Variants in LIN7A observed in about 807,000 individuals in gnomAD.
LIN7A encodes protein lin-7 homolog A.
Under a neutral mutation model 29.8 loss-of-function variants are expected in LIN7A, and 25 were observed. The observed-to-expected ratio is 0.84, with a 90% CI of 0.61 to 1.17. The LOEUF is 1.17. LIN7A is among the 50% of genes most tolerant of loss of function. LIN7A has a pLI of 0.00. For missense variants in LIN7A, 239 were observed against 287.0 expected, an observed-to-expected ratio of 0.83 and a Z score of 1.21; for synonymous variants, 118 against 107.5, an observed-to-expected ratio of 1.10 and a Z score of -0.60.
chr12:80,912,989 T>C (rs75011874), intron 1 of LIN7A, among the ~76,000 whole-genome samples: 4,828 of 152,280 alleles, frequency 0.032, 141 homozygotes, highest in Non-Finnish European at 0.045. Context: ...GCAATTAAAA[T>C]GTCAAATGCA....
rs985623933 is a variant in LIN7A at position 80,841,406 on chromosome 12, A to G, written c.483+4324T>C. On this transcript the variant is annotated intron_variant, in intron 4 of 5. Transcript: ENST00000552864. ...AAGGAAGGAAGGAAGGAAGGAAGGAAGGAGGGAAAGAAAGTACGAACAGCA... is the reference window on the plus strand; with the variant it reads ...AAGGAAGGAAGGAAGGAAGGAAGGAGGGAGGGAAAGAAAGTACGAACAGCA... Among the ~76,000 whole-genome samples the G allele has an allele frequency of 1.3e-5, 2 of 148,318 alleles. 1 individual carries two copies. The highest frequency in any genetic ancestry group is 5.0e-5 in the African/African-American group (2 of 40,060).
At chr12:80,799,455 A>C (rs1169510863) in intron 5 of LIN7A, among the ~76,000 whole-genome samples, 1 of 152,200 alleles carries the variant, frequency 6.6e-6, no homozygotes, top group Non-Finnish European at 1.5e-5. Flanking sequence ...AGGGCAGTTA[A>C]GGTTGTAAAT....
At chr12:80,846,084 ACTTT>A in intron 3 of LIN7A, 145 bp from the exon 4 acceptor site, 1 of 692,666 alleles carries the variant, frequency 1.4e-6, no homozygotes, top group Non-Finnish European at 2.2e-6. Flanking sequence ...AAAGCAGAGG[ACTTT>A]CTTCATTTAG....
chr12:80,898,209 C>A (rs1375014240), intron 1 of LIN7A, among the ~76,000 whole-genome samples: 2 of 152,204 alleles, frequency 1.3e-5, no homozygotes, highest in Non-Finnish European at 2.9e-5. Context: ...GTTATAACAG[C>A]ACCATTTATT....
chr12:80,837,294 C>T (rs2121532110), intron 4 of LIN7A, among the ~76,000 whole-genome samples: 1 of 152,048 alleles, frequency 6.6e-6, no homozygotes. Flanking sequence ...GTAAATATTA[C>T]CTTTTATAGA....
chr12:80,923,093 G>T (rs1378192820), intron 1 of LIN7A, among the ~76,000 whole-genome samples: 1 of 152,144 alleles, frequency 6.6e-6, no homozygotes, highest in Non-Finnish European at 1.5e-5. Context: ...CCTAATGTGG[G>T]CAGGCACCCT....
intron 1 of LIN7A, chr12:80,935,716 T>G (rs776153544): frequency 2.2e-6 from 1 of 461,614 alleles, no homozygotes; most frequent in South Asian, 1.6e-5. Flanking sequence ...AGATTTTCCA[T>G]GAGCTGCTGA....
At chr12:80,921,076 G>A (rs910549930) in intron 1 of LIN7A, among the ~76,000 whole-genome samples, 1 of 152,066 alleles carries the variant, frequency 6.6e-6, no homozygotes, top group Admixed American at 6.6e-5. Context: ...CCAATGTGAT[G>A]GTGTTAGAAG....
intron 1 of LIN7A, among the ~76,000 whole-genome samples, chr12:80,910,192 T>C (rs1222277415): frequency 6.6e-6 from 1 of 152,188 alleles, no homozygotes; most frequent in Non-Finnish European, 1.5e-5. Flanking sequence ...TTTATTGCTA[T>C]TATACAGAAA....
In LIN7A at chr12:80,811,542, G is replaced by T. The variant is rs149210574; in HGVS notation, c.625C>A (p.Arg209=). 11 of 1,613,418 alleles carry T rather than the reference G, an allele frequency of 6.8e-6. No individual in the cohort carries two copies. The highest frequency in any genetic ancestry group is 1.7e-5 in the Admixed American group (1 of 59,918). Residue 209 remains arginine (R), a synonymous_variant, in exon 5 of 6, where the codon CGG becomes AGG. Coordinates refer to ENST00000552864, the MANE Select transcript of LIN7A (RefSeq NM_004664.4). ...TGAATTAGCAATTGCTGCTGCTGCC[G>T]ACGCCTGGCTGTTCGTAGCTTTTCA... The part of the protein sequence containing the change: ...RFEKLRTARR[R]QQQQLLIQQQ...
chr12:80,810,791 T>C (rs1871251252), intron 5 of LIN7A, among the ~76,000 whole-genome samples: 1 of 152,230 alleles, frequency 6.6e-6, no homozygotes, highest in South Asian at 2.1e-4. Flanking sequence ...AATTAAAAGG[T>C]ATGAGGTGAT....
chr12:80,875,464 C>T (rs1874637775), intron 2 of LIN7A, among the ~76,000 whole-genome samples: 1 of 152,166 alleles, frequency 6.6e-6, no homozygotes, highest in Non-Finnish European at 1.5e-5. Context: ...CATATCTGCA[C>T]ATTCATAAGA....
At chr12:80,900,406 A>G (rs1001942100) in intron 1 of LIN7A, among the ~76,000 whole-genome samples, 12 of 152,210 alleles carry the variant, frequency 7.9e-5, no homozygotes, top group Non-Finnish European at 1.8e-4. Flanking sequence ...ATTTAGCCCT[A>G]TAAAATTCCC....
intron 2 of LIN7A, among the ~76,000 whole-genome samples, chr12:80,883,100 TTC>T (rs1172238442): frequency 6.6e-6 from 1 of 152,040 alleles, no homozygotes; most frequent in Non-Finnish European, 1.5e-5. Context: ...TGTTTTTCTC[TTC>T]TTTTTCCTTC....
At chr12:80,804,693 C>A (rs1345654089) in intron 5 of LIN7A, among the ~76,000 whole-genome samples, 1 of 151,906 alleles carries the variant, frequency 6.6e-6, no homozygotes, top group African/African-American at 2.4e-5. Context: ...CGTGTGTCAC[C>A]AGCTCTGGCT....
intron 4 of LIN7A, among the ~76,000 whole-genome samples, chr12:80,845,091 A>G (rs895204887): frequency 3.3e-5 from 5 of 151,586 alleles, no homozygotes; most frequent in African/African-American, 1.2e-4. Flanking sequence ...ACAAAAATTA[A>G]CCGGGCTTGG....
Position 80,828,468 on chromosome 12 carries a change from C to T in LIN7A, c.484-16785G>A, listed in dbSNP as rs79906491. ...CCAAGAAAGCAAGTCATAGATAATA[C>T]GTATATGTAAAAATAGCAGTGCATT... On this transcript the variant is annotated intron_variant, in intron 4 of 5. Coordinates refer to ENST00000552864, the MANE Select transcript of LIN7A (RefSeq NM_004664.4). Among the ~76,000 whole-genome samples, 628 of 152,094 alleles carry T rather than the reference C, an allele frequency of 4.1e-3. 4 individuals are homozygous for T. The highest frequency in any genetic ancestry group is 0.014 in the African/African-American group (567 of 41,486).
rs1214222698 is a variant in LIN7A at position 80,795,668 on chromosome 12, A to G, written c.*2059T>C. 1 of 152,108 alleles carries G rather than the reference A, an allele frequency of 6.6e-6. No individual in the cohort carries two copies. The highest frequency in any genetic ancestry group is 2.4e-5 in the African/African-American group (1 of 41,442). The allele number at this position is 152,108 out of a possible 1,614,324, so 9.4% of individuals were successfully genotyped here. A position where few individuals can be genotyped will look rare whatever the true frequency, so the allele number is the denominator to read the frequency against. ...TTGAAATGACCATTTTCTCATGACAAGGGTTCAGTGATTTCCCTTCATGAG... is the reference window on the plus strand; with the variant it reads ...TTGAAATGACCATTTTCTCATGACAGGGGTTCAGTGATTTCCCTTCATGAG... On this transcript the variant is annotated 3_prime_UTR_variant, in exon 6 of 6. Transcript: ENST00000552864.
intron 2 of LIN7A, among the ~76,000 whole-genome samples, chr12:80,856,588 G>A (rs543056116): frequency 6.6e-6 from 1 of 152,278 alleles, no homozygotes; most frequent in South Asian, 2.1e-4. Flanking sequence ...CAAGACCTTC[G>A]TGTAGGCTAT....
Sources: allele counts gnomAD v4.1 joint callset (sites outside exome capture counted in the v4.1 genomes callset), GRCh38; gene constraint gnomAD v4.1.1; transcripts MANE v1.5; gene names NCBI Gene and HGNC (gene_info 2026-07-23, HGNC 2026-07-21).